The following PPFIBP1 variants were observed in gnomAD, a reference collection of about 807,000 sequenced individuals.
PPFIBP1 encodes the protein PPFIB scaffold protein 1.
In PPFIBP1, 112 loss-of-function variants were observed where a neutral mutation model predicts 137.8. The observed-to-expected ratio is 0.81, with a 90% CI of 0.70 to 0.95. The LOEUF (loss-of-function observed/expected upper bound fraction) is 0.95, where lower values mean the gene tolerates loss of function less well. Among genes scored for constraint, PPFIBP1 ranks in the 40% least tolerant of loss-of-function variants. The pLI, the probability that PPFIBP1 is intolerant of heterozygous loss-of-function variation, is 0.00. For synonymous variants in PPFIBP1, 378 were observed against 417.3 expected (o/e 0.91, Z 1.15); for missense variants, 1,083 against 1,196.6 (o/e 0.91, Z 1.40).
intron 2 of PPFIBP1, among the ~76,000 whole-genome samples, chr12:27,588,972 C>T (rs140391715): frequency 6.6e-6 from 1 of 152,268 alleles, no homozygotes; most frequent in Non-Finnish European, 1.5e-5. Flanking sequence ...GACTGGCTCC[C>T]TCAGTGAATG....
intron 2 of PPFIBP1, among the ~76,000 whole-genome samples, chr12:27,633,047 GC>G (rs1417332557): frequency 1.3e-5 from 2 of 152,310 alleles, no homozygotes; most frequent in Admixed American, 6.5e-5. Flanking sequence ...GCTTGTCATG[GC>G]CCTCAGCAAG....
chr12:27,688,099 G>A (rs886746171), intron 25 of PPFIBP1, 199 bp from the exon 26 acceptor site: 2 of 552,160 alleles, frequency 3.6e-6, no homozygotes, highest in East Asian at 3.3e-5. Context: ...AAAAAAAAAA[G>A]ACTTCCTTTC....
intron 2 of PPFIBP1, among the ~76,000 whole-genome samples, chr12:27,585,578 A>C (rs926877644): frequency 6.6e-6 from 1 of 152,246 alleles, no homozygotes; most frequent in Non-Finnish European, 1.5e-5. Context: ...TGGAGCATGC[A>C]AAGATAAGCA....
At position 27,560,832 on chromosome 12, in the gene PPFIBP1, T is replaced by C. The variant is rs112526079; in HGVS notation, c.-123-17320T>C. 1.0e-2 allele frequency among the ~76,000 whole-genome samples: 1,520 copies of C among 152,364 alleles called. 15 individuals carry two copies. The highest frequency in any genetic ancestry group is 0.017 in the Non-Finnish European group (1,138 of 68,026). ...AGCTGCTGTTAGCTTTATTTCTCTG[T>C]TGTTGAAAACTAACTTAATATCCTA... On this transcript the variant is annotated intron_variant, in intron 1 of 29. Transcript: ENST00000228425.
In PPFIBP1 at chr12:27,527,480, C is replaced by T. The variant is rs550397981; in HGVS notation, c.-124+3115C>T. On this transcript the variant is annotated intron_variant, in intron 1 of 29. Coordinates refer to ENST00000228425, the MANE Select transcript of PPFIBP1 (RefSeq NM_003622.4). Reference sequence around the variant, plus strand: ...CTGGTCTTGAACTCCTGGGCTCAAGCAGTCGACCCACCTTGACCTCCCAAA... The same window carrying T: ...CTGGTCTTGAACTCCTGGGCTCAAGTAGTCGACCCACCTTGACCTCCCAAA... Among the ~76,000 whole-genome samples, 29 of 152,124 alleles carry T rather than the reference C, an allele frequency of 1.9e-4. No individual in the cohort carries two copies. In the South Asian group the frequency reaches 4.8e-3, roughly 25 times the overall value.
At chr12:27,595,902 T>A (rs865883539) in intron 2 of PPFIBP1, among the ~76,000 whole-genome samples, 12,560 of 132,988 alleles carry the variant, frequency 0.094, 766 homozygotes, top group Admixed American at 0.18. Context: ...TATATATATA[T>A]ATATATATAT....
intron 2 of PPFIBP1, chr12:27,608,748 GTCTTTCT>G: frequency 4.0e-6 from 1 of 251,746 alleles, no homozygotes; most frequent in Non-Finnish European, 7.7e-6. Context: ...CAGACTTAGT[GTCTTTCT>G]CTGTGGCTTC....
chr12:27,637,742 T>C (rs1383820894), intron 4 of PPFIBP1, among the ~76,000 whole-genome samples: 2 of 152,090 alleles, frequency 1.3e-5, no homozygotes, highest in Non-Finnish European at 2.9e-5. Flanking sequence ...TGAAATTAAG[T>C]TGTCACCACA....
intron 1 of PPFIBP1, among the ~76,000 whole-genome samples, chr12:27,570,172 C>G (rs572349014): frequency 1.2e-4 from 18 of 152,198 alleles, no homozygotes; most frequent in African/African-American, 4.3e-4. Flanking sequence ...TATTTATTTT[C>G]TTTCCCAATA....
intron 10 of PPFIBP1, 125 bp downstream of exon 10, chr12:27,658,973 T>C (rs932200956): frequency 8.3e-5 from 73 of 874,602 alleles, no homozygotes; most frequent in Non-Finnish European, 1.2e-4. Context: ...CAATAAGCCC[T>C]CCATTTCTTC....
intron 19 of PPFIBP1, 23 bp downstream of exon 19, chr12:27,677,119 C>T (rs2060565687): frequency 3.7e-6 from 6 of 1,613,518 alleles, no homozygotes; most frequent in Non-Finnish European, 3.4e-6. Flanking sequence ...TGCATGCCAG[C>T]CTTCACCAGC....
chr12:27,611,949 T>C (rs1439552113), intron 2 of PPFIBP1, among the ~76,000 whole-genome samples: 10 of 152,208 alleles, frequency 6.6e-5, no homozygotes, highest in Non-Finnish European at 1.5e-5. Flanking sequence ...AATATTCTAG[T>C]TCTGAGGATT....
intron 2 of PPFIBP1, among the ~76,000 whole-genome samples, chr12:27,606,410 A>T (rs1161570117): frequency 6.6e-6 from 1 of 152,218 alleles, no homozygotes; most frequent in East Asian, 1.9e-4. Context: ...AAGCTAGGAA[A>T]TTTTTTTAGC....
chr12:27,598,083 G>A (rs2053530663), intron 2 of PPFIBP1, among the ~76,000 whole-genome samples: 1 of 152,142 alleles, frequency 6.6e-6, no homozygotes, highest in Admixed American at 6.6e-5. Flanking sequence ...AGGATTACAG[G>A]CATGAGCCAC....
chr12:27,550,553 A>C (rs1322370989), intron 1 of PPFIBP1, among the ~76,000 whole-genome samples: 1 of 152,208 alleles, frequency 6.6e-6, no homozygotes, highest in Non-Finnish European at 1.5e-5. Context: ...TTCGTGCTTT[A>C]TGACAACTCA....
intron 4 of PPFIBP1, among the ~76,000 whole-genome samples, chr12:27,644,789 C>G (rs2058359014): frequency 6.6e-6 from 1 of 152,206 alleles, no homozygotes; most frequent in Non-Finnish European, 1.5e-5. Flanking sequence ...TTTTAATCCA[C>G]TCTAAATATG....
At chr12:27,565,687 G>A (rs1471191054) in intron 1 of PPFIBP1, among the ~76,000 whole-genome samples, 2 of 152,034 alleles carry the variant, frequency 1.3e-5, no homozygotes, top group Admixed American at 1.3e-4. Context: ...CTTTCATACT[G>A]AGTTTATAAA....
intron 2 of PPFIBP1, among the ~76,000 whole-genome samples, chr12:27,595,157 C>T (rs1048118913): frequency 6.6e-6 from 1 of 152,264 alleles, no homozygotes; most frequent in Non-Finnish European, 1.5e-5. Flanking sequence ...CCCATCCTCC[C>T]ATCATCTGAT....
At chr12:27,673,627 A>T (rs896045008) in intron 15 of PPFIBP1, 140 bp from the exon 16 acceptor site, 2 of 663,968 alleles carry the variant, frequency 3.0e-6, no homozygotes, top group Non-Finnish European at 5.2e-6. Context: ...TGAAGCACAT[A>T]AGTGACTGCC....
Sources: gnomAD v4.1 joint callset for allele counts (sites outside exome capture counted in the v4.1 genomes callset) on GRCh38, gnomAD v4.1.1 for gene constraint, MANE v1.5 for transcripts, NCBI Gene and HGNC (gene_info 2026-07-23, HGNC 2026-07-21) for gene names.